Variants in TMEM266 observed in about 807,000 individuals in gnomAD.
TMEM266 encodes Hv1 related protein 1.
Under a neutral mutation model 50.5 loss-of-function variants are expected in TMEM266, and 33 were observed. The observed-to-expected ratio is 0.65, with a 90% CI of 0.50 to 0.87. The LOEUF (loss-of-function observed/expected upper bound fraction) is 0.87, where lower values mean the gene tolerates loss of function less well. Ranked by LOEUF, TMEM266 falls within the 40% of genes least tolerant of loss-of-function variation. The probability of loss-of-function intolerance (pLI) is 0.00; values close to 1 mark genes in which losing one functional copy is unlikely to be tolerated. For synonymous variants in TMEM266, 310 were observed against 292.3 expected (o/e 1.06, Z -0.62); for missense variants, 655 against 695.1 (o/e 0.94, Z 0.65).
chr15:76,149,938 A>G (rs1042146226), intron 3 of TMEM266, among the ~76,000 whole-genome samples: 1 of 152,206 alleles, frequency 6.6e-6, no homozygotes, highest in Non-Finnish European at 1.5e-5. Flanking sequence ...TGGAATAAAT[A>G]TAGTAAAGTG....
intron 1 of TMEM266, among the ~76,000 whole-genome samples, chr15:76,116,790 T>C (rs12442447): frequency 0.31 from 47,571 of 152,076 alleles, 8,712 homozygotes; most frequent in East Asian, 0.56. Flanking sequence ...TTTCCTATTA[T>C]GTTACAGACA....
intron 7 of TMEM266, among the ~76,000 whole-genome samples, chr15:76,173,685 C>T (rs56110707): frequency 0.12 from 18,530 of 152,128 alleles, 1,422 homozygotes; most frequent in African/African-American, 0.21. Flanking sequence ...GTAATCCCAG[C>T]ATTTTGGGAG....
intron 1 of TMEM266, among the ~76,000 whole-genome samples, chr15:76,131,599 T>C (rs1422114146): frequency 1.3e-5 from 2 of 152,228 alleles, no homozygotes; most frequent in Non-Finnish European, 2.9e-5. Context: ...AAATCTGTTA[T>C]GGAATTTTAT....
intron 1 of TMEM266, among the ~76,000 whole-genome samples, chr15:76,077,232 C>T (rs1332339015): frequency 6.6e-6 from 1 of 151,964 alleles, no homozygotes; most frequent in East Asian, 1.9e-4. Flanking sequence ...TCCCAAAGTT[C>T]GGGGATTAGA....
intron 1 of TMEM266, among the ~76,000 whole-genome samples, chr15:76,070,129 T>G (rs1444157355): frequency 6.6e-6 from 1 of 152,176 alleles, no homozygotes; most frequent in Non-Finnish European, 1.5e-5. Flanking sequence ...CCTTGTGTAA[T>G]AAGTCTAGAG....
chr15:76,173,623 G>A (rs1346917118), intron 7 of TMEM266, among the ~76,000 whole-genome samples: 1 of 152,168 alleles, frequency 6.6e-6, no homozygotes, highest in Non-Finnish European at 1.5e-5. Context: ...TAACACAGAA[G>A]CGTATTTCAT....
intron 1 of TMEM266, among the ~76,000 whole-genome samples, chr15:76,126,903 G>T (rs915273028): frequency 1.3e-5 from 2 of 152,130 alleles, no homozygotes; most frequent in African/African-American, 4.8e-5. Context: ...GTTACCAGGG[G>T]TTGCGGGGGG....
At chr15:76,192,723 G>C (rs2038599728) in intron 9 of TMEM266, among the ~76,000 whole-genome samples, 1 of 152,220 alleles carries the variant, frequency 6.6e-6, no homozygotes, top group Non-Finnish European at 1.5e-5. Context: ...GTAGGGTCCT[G>C]TATGGAAGGG....
At chr15:76,065,834 T>C (rs1371802280) in intron 1 of TMEM266, among the ~76,000 whole-genome samples, 1 of 152,148 alleles carries the variant, frequency 6.6e-6, no homozygotes, top group Non-Finnish European at 1.5e-5. Context: ...GTTTAGTTTG[T>C]TTATATCTCA....
intron 2 of TMEM266, among the ~76,000 whole-genome samples, chr15:76,137,021 A>G (rs1010374892): frequency 6.6e-6 from 1 of 152,208 alleles, no homozygotes; most frequent in African/African-American, 2.4e-5. Flanking sequence ...GCCTGACAGT[A>G]AGATAGGAAG....
intron 1 of TMEM266, among the ~76,000 whole-genome samples, chr15:76,061,106 C>T (rs1002713665): frequency 2.6e-5 from 4 of 152,238 alleles, no homozygotes; most frequent in African/African-American, 9.6e-5. Context: ...TACCTCCTCC[C>T]CCAAATACCT....
intron 9 of TMEM266, among the ~76,000 whole-genome samples, chr15:76,198,491 C>T (rs1008674689): frequency 2.0e-5 from 3 of 152,208 alleles, no homozygotes; most frequent in Non-Finnish European, 1.5e-5. Context: ...GCCACCCCTT[C>T]GCTCCCAGAT....
chr15:76,125,063 A>G (rs1316091294), intron 1 of TMEM266, among the ~76,000 whole-genome samples: 1 of 152,242 alleles, frequency 6.6e-6, no homozygotes, highest in African/African-American at 2.4e-5. Flanking sequence ...TAATTGGACA[A>G]AAGTGCCAAA....
At position 76,169,892 on chromosome 15, in the gene TMEM266, C is replaced by A; in HGVS notation, c.513+20C>A. Reference sequence around the variant, plus strand: ...ATAGAGGTAAAGACCAATGTCCACCCCCAAAGCCCCCACTCTGCCATCCTG... The same window carrying A: ...ATAGAGGTAAAGACCAATGTCCACCACCAAAGCCCCCACTCTGCCATCCTG... On this transcript the variant is annotated intron_variant, in intron 6 of 10. Transcript: ENST00000388942. 2.5e-6 allele frequency: 4 copies of A among 1,608,694 alleles called. No individual in the cohort carries two copies. The highest frequency in any genetic ancestry group is 3.4e-6 in the Non-Finnish European group (4 of 1,175,720).
chr15:76,158,345 G>A (rs1363746986), intron 4 of TMEM266, among the ~76,000 whole-genome samples: 1 of 152,178 alleles, frequency 6.6e-6, no homozygotes, highest in African/African-American at 2.4e-5. Flanking sequence ...GACCGGTACT[G>A]GTTTTACACT....
In TMEM266 at chr15:76,169,810, C is replaced by T. The variant is rs550805757; in HGVS notation, c.457-6C>T. ...GAATAACCACTTTCTCACTTCCTTT[C>T]CTCAGACTGTTCTACGGATTGTGGT... is the stretch of plus-strand genomic sequence containing the variant. On this transcript the variant is annotated splice_polypyrimidine_tract_variant and splice_region_variant and intron_variant, in intron 5 of 10. Coordinates refer to ENST00000388942, the MANE Select transcript of TMEM266 (RefSeq NM_152335.3). 9.9e-6 allele frequency: 16 copies of T among 1,613,714 alleles called. No individual in the cohort carries two copies. Among genetic ancestry groups the T allele is most frequent in the African/African-American group, 4.0e-5 (3 of 75,036 alleles).
intron 2 of TMEM266, 106 bp downstream of exon 2, chr15:76,134,407 G>T (rs2037560371): frequency 6.7e-6 from 8 of 1,188,212 alleles, no homozygotes; most frequent in Admixed American, 2.2e-5. Flanking sequence ...ATTTCCTTTA[G>T]CAGGAGGCCA....
At chr15:76,096,651 C>T (rs913481671) in intron 1 of TMEM266, among the ~76,000 whole-genome samples, 2 of 151,784 alleles carry the variant, frequency 1.3e-5, no homozygotes, top group African/African-American at 2.4e-5. Context: ...GTTCAAGTCC[C>T]GAATATTCTG....
At chr15:76,125,045 T>C (rs2037399258) in intron 1 of TMEM266, among the ~76,000 whole-genome samples, 7 of 152,164 alleles carry the variant, frequency 4.6e-5, no homozygotes, top group Admixed American at 3.3e-4. Flanking sequence ...CATGCCTTTA[T>C]GGTCAACTAA....
Sources: allele counts gnomAD v4.1 joint callset (sites outside exome capture counted in the v4.1 genomes callset), GRCh38; gene constraint gnomAD v4.1.1; transcripts MANE v1.5; gene names NCBI Gene and HGNC (gene_info 2026-07-23, HGNC 2026-07-21).